The following RELB variants were observed in gnomAD, a reference collection of about 807,000 sequenced individuals.
The protein encoded by RELB is RELB proto-oncogene, NF-kB subunit, also known as transcription factor RelB.
Under a neutral mutation model 55.4 loss-of-function variants are expected in RELB, and 14 were observed. The ratio of observed to expected loss-of-function variants is 0.25; its 90% confidence interval spans 0.17 to 0.40. The LOEUF (loss-of-function observed/expected upper bound fraction) is 0.40, where lower values mean the gene tolerates loss of function less well. Ranked by LOEUF, RELB falls within the 10% of genes least tolerant of loss-of-function variation. The pLI, the probability that RELB is intolerant of heterozygous loss-of-function variation, is 1.00. For synonymous variants in RELB, 409 were observed against 371.3 expected, an observed-to-expected ratio of 1.10 and a Z score of -1.17; for missense variants, 669 against 830.7, an observed-to-expected ratio of 0.81 and a Z score of 2.39.
rs777361989 is a variant in RELB, at chr19:45,034,561, C to T, written c.1354+33C>T. 3.2e-5 allele frequency: 50 copies of T among 1,557,268 alleles called. No individual in the cohort carries two copies. In the Admixed American group the frequency reaches 9.4e-4, roughly 29 times the overall value. ...CCAGCTACACATAAGCCCCTGTCCC[C>T]TGGGTGGGCAGAGGGTAAGTGGCAG... On this transcript the variant is annotated intron_variant, in intron 11 of 11. Transcript: ENST00000221452.
At chr19:45,017,548 A>G (rs1251948872) in intron 4 of RELB, among the ~76,000 whole-genome samples, 1 of 151,850 alleles carries the variant, frequency 6.6e-6, no homozygotes. Context: ...CTTGGAAAAA[A>G]AAGTTTTAGT....
intron 5 of RELB, among the ~76,000 whole-genome samples, chr19:45,024,680 G>A (rs953000841): frequency 2.6e-5 from 4 of 151,948 alleles, no homozygotes; most frequent in Admixed American, 2.6e-4. Flanking sequence ...CTCCTGAGTA[G>A]CTGGGATTAC....
In RELB at chr19:45,015,087, G is replaced by A. The variant is rs139734204; in HGVS notation, c.504+2811G>A. On this transcript the variant is annotated intron_variant, in intron 4 of 11. Coordinates refer to ENST00000221452, the MANE Select transcript of RELB (RefSeq NM_006509.4). Reference sequence around the variant, plus strand: ...CCAGCTAATTTTTGTATTTTTAGTAGAGACAGGGTTTCACCACATTGGCCA... The same window carrying A: ...CCAGCTAATTTTTGTATTTTTAGTAAAGACAGGGTTTCACCACATTGGCCA... Among the ~76,000 whole-genome samples, 428 of 151,872 alleles carry A rather than the reference G, an allele frequency of 2.8e-3. 4 individuals are homozygous for A. The highest frequency in any genetic ancestry group is 9.8e-3 in the African/African-American group (408 of 41,428).
chr19:45,028,912 G>T lies in RELB; in HGVS notation c.911G>T (p.Arg304Leu). 6.3e-7 allele frequency: 1 copy of T among 1,599,338 alleles called. No individual in the cohort carries two copies. The highest frequency in any genetic ancestry group is 2.3e-5 in the East Asian group (1 of 44,336). ...GAATCCACAAACACATCAGAGCTGC[G>T]GATTTGCCGAATTAACAAGGAAAGC... ...DKKSTNTSEL[R>L]ICRINKESGP... The change falls in exon 8 of 12, where the codon CGG becomes CTG. Residue 304 changes from arginine to leucine, a missense_variant. This residue lies in a region of RELB where 341 missense variants were observed against 436.8 expected (regional missense o/e 0.78). Coordinates refer to ENST00000221452, the MANE Select transcript of RELB (RefSeq NM_006509.4).
chr19:45,032,804 T>TG lies in RELB; in HGVS notation c.1207+59dup, dbSNP rs1971641650. 7.5e-6 allele frequency: 11 copies of TG among 1,459,184 alleles called. No homozygotes were observed. In the South Asian group the frequency reaches 1.2e-4, roughly 16 times the overall value. 90.4% of individuals were successfully genotyped at this position (1,459,184 alleles called of 1,614,324 possible). On this transcript the variant is annotated intron_variant, in intron 9 of 11. Coordinates refer to ENST00000221452, the MANE Select transcript of RELB (RefSeq NM_006509.4). ...ACCTCGGAGACTAGGTCTTTGGCCTTGGGGAGACCCCAGTGGGGATGGGAA... is the reference window on the plus strand; with the variant it reads ...ACCTCGGAGACTAGGTCTTTGGCCTTGGGGGAGACCCCAGTGGGGATGGGAA...
chr19:45,023,826 C>T (rs1330172002), intron 5 of RELB, among the ~76,000 whole-genome samples: 1 of 137,914 alleles, frequency 7.3e-6, no homozygotes, highest in Non-Finnish European at 1.5e-5. Context: ...TCTCTGCTCA[C>T]TGCAATCTCT....
chr19:45,035,570 G>A (rs180996286), intron 11 of RELB, among the ~76,000 whole-genome samples: 1 of 151,776 alleles, frequency 6.6e-6, no homozygotes. Flanking sequence ...GCTTACGCCT[G>A]TAATCCCAGC....
intron 5 of RELB, among the ~76,000 whole-genome samples, chr19:45,022,956 A>C (rs529540375): frequency 9.9e-5 from 15 of 152,252 alleles, no homozygotes; most frequent in African/African-American, 3.1e-4. Flanking sequence ...GCATTTTTTC[A>C]TAGTGCAAAG....
chr19:45,034,377 C>G, intron 10 of RELB, 65 bp downstream of exon 10: 2 of 1,603,618 alleles, frequency 1.2e-6, no homozygotes, highest in South Asian at 2.2e-5. Context: ...GCTGACCCCA[C>G]TGCCCTGTCC....
chr19:45,003,585 A>G (rs1971242615), intron 2 of RELB: 2 of 517,766 alleles, frequency 3.9e-6, no homozygotes, highest in Admixed American at 3.9e-5. Flanking sequence ...AATCACTGCC[A>G]TCCTGGGCTT....
At chr19:45,017,449 T>TAAAAAAAAAAACAAAAAAAAAAAAAA (rs1971432386) in intron 4 of RELB, among the ~76,000 whole-genome samples, 5 of 102,700 alleles carry the variant, frequency 4.9e-5, no homozygotes, top group African/African-American at 1.5e-4. Flanking sequence ...AGAATCTGTC[T>TAAAAAAAAAAACAAAAAAAAAAAAAA]AAAAAAAAAA....
Position 45,034,462 on chromosome 19 carries a change from A to G in RELB, c.1288A>G (p.Ile430Val), listed in dbSNP as rs371876071. Residue 430 changes from isoleucine (I) to valine (V), a missense_variant, in exon 11 of 12, where the codon ATC (isoleucine) becomes GTC (valine). Physicochemically the swap from Ile to Val is conservative, Grantham distance 29. Around this residue, in one of 3 missense-constraint regions of RELB, gnomAD observed 341 missense variants for 436.8 expected, o/e 0.78. Transcript: ENST00000221452. ...GELNSSDPHG[I>V]ESKRRKKKPA... is the part of the protein sequence containing the mutation. The stretch of plus-strand genomic sequence containing the variant: ...CTGCCTTCCCTCAGACCCCCATGGC[A>G]TCGAGAGCAAACGGCGGAAGAAAAA... 1.2e-4 allele frequency: 197 copies of G among 1,611,966 alleles called. 1 individual carries two copies. Among genetic ancestry groups the G allele is most frequent in the Non-Finnish European group, 1.6e-4 (190 of 1,179,036 alleles).
At chr19:45,034,192 T>A (rs1600083879) in intron 9 of RELB, 52 bp from the exon 10 acceptor site, 2 of 1,239,692 alleles carry the variant, frequency 1.6e-6, no homozygotes, top group East Asian at 2.3e-5. Flanking sequence ...ATAAAGGAAT[T>A]AATTATTATT....
intron 2 of RELB, among the ~76,000 whole-genome samples, chr19:45,007,628 TG>T (rs1458662883): frequency 2.6e-5 from 4 of 151,810 alleles, no homozygotes; most frequent in African/African-American, 9.7e-5. Context: ...GAGGCTGGGG[TG>T]GGTGGGTCAC....
chr19:45,015,730 A>G (rs10412986), intron 4 of RELB, among the ~76,000 whole-genome samples: 120,549 of 146,436 alleles, frequency 0.82, 49,966 homozygotes, highest in East Asian at 0.94. Context: ...GAAAGATGCT[A>G]TCTCAAAAAA....
chr19:45,027,208 G>A (rs1158846863), intron 7 of RELB, among the ~76,000 whole-genome samples: 3 of 148,930 alleles, frequency 2.0e-5, no homozygotes, highest in African/African-American at 2.5e-5. Context: ...ACTCCAGCCC[G>A]GGCAACAGAG....
At chr19:45,015,981 C>G (rs986593178) in intron 4 of RELB, among the ~76,000 whole-genome samples, 1 of 151,824 alleles carries the variant, frequency 6.6e-6, no homozygotes, top group Non-Finnish European at 1.5e-5. Flanking sequence ...CTCCCAAAGT[C>G]CATATTTTAT....
At chr19:45,006,738 A>C (rs1276984782) in intron 2 of RELB, among the ~76,000 whole-genome samples, 1 of 151,508 alleles carries the variant, frequency 6.6e-6, no homozygotes, top group African/African-American at 2.4e-5. Context: ...AGGTGGGTGG[A>C]TCACCTGAGG....
At chr19:45,002,037 A>G (rs1971218016) in intron 1 of RELB, among the ~76,000 whole-genome samples, 1 of 143,358 alleles carries the variant, frequency 7.0e-6, no homozygotes, top group Non-Finnish European at 1.5e-5. Context: ...GCGGGATCCG[A>G]CCCGGACTAT....
Sources: gnomAD v4.1 joint callset for allele counts (sites outside exome capture counted in the v4.1 genomes callset) on GRCh38, gnomAD v4.1.1 for gene constraint, gnomAD v4.1.1 regional missense constraint, MANE v1.5 for transcripts, NCBI Gene and HGNC (gene_info 2026-07-23, HGNC 2026-07-21) for gene names.